Variants in KATNBL1 observed in about 807,000 individuals in gnomAD.
KATNBL1 encodes KATNB1-like protein 1.
Under a neutral mutation model 44.7 loss-of-function variants are expected in KATNBL1, and 28 were observed. The observed-to-expected ratio is 0.63, with a 90% CI of 0.46 to 0.86. KATNBL1 has a LOEUF of 0.86. Ranked by LOEUF, KATNBL1 falls within the 40% of genes least tolerant of loss-of-function variation. The probability of loss-of-function intolerance (pLI) is 0.00; values close to 1 mark genes in which losing one functional copy is unlikely to be tolerated. For missense variants in KATNBL1, 272 were observed against 350.7 expected (o/e 0.78, Z 1.79); for synonymous variants, 78 against 114.9 (o/e 0.68, Z 2.06).
chr15:34,197,486 G>C (rs1890056994), intron 1 of KATNBL1, among the ~76,000 whole-genome samples: 1 of 152,184 alleles, frequency 6.6e-6, no homozygotes. Context: ...TCACCTATGA[G>C]GCAAGTTGCC....
At chr15:34,178,647 T>C (rs1889413659) in intron 1 of KATNBL1, among the ~76,000 whole-genome samples, 1 of 150,438 alleles carries the variant, frequency 6.6e-6, no homozygotes, top group South Asian at 2.1e-4. Context: ...TCCCAGCTAC[T>C]TGGGAGGCTG....
At chr15:34,154,622 C>A (rs1488312427) in intron 3 of KATNBL1, 22 bp downstream of exon 3, 11 of 1,503,350 alleles carry the variant, frequency 7.3e-6, no homozygotes. Flanking sequence ...TTGTTCCCCA[C>A]AAACTTTAAA....
chr15:34,143,652 CATT>C (rs1888217334), intron 9 of KATNBL1, among the ~76,000 whole-genome samples: 1 of 150,208 alleles, frequency 6.7e-6, no homozygotes, highest in South Asian at 2.1e-4. Context: ...AGATTTTCAT[CATT>C]AAGAATTCTA....
At chr15:34,189,468 C>G (rs28418847) in intron 1 of KATNBL1, among the ~76,000 whole-genome samples, 30,784 of 152,098 alleles carry the variant, frequency 0.2, 3,853 homozygotes, top group African/African-American at 0.35. Flanking sequence ...AACCCAATAT[C>G]CAAAAAAGTT....
Position 34,152,795 on chromosome 15 carries a change from A to C in KATNBL1, c.433T>G (p.Ser145Ala). Residue 145 changes from serine (S) to alanine (A), a missense_variant, in exon 4 of 10, where the codon TCT (serine) becomes GCT (alanine). Around this residue, in one of 3 missense-constraint regions of KATNBL1, gnomAD observed 111 missense variants for 149.3 expected, o/e 0.74. Transcript: ENST00000256544. ...SPSSKYSGFF[S>A]EVSQDHETMA... Reference sequence around the variant, plus strand: ...GAGTTAGAGAAAAGACTTACCTCAGAAAAAAACCCACTATATTTTGATGAT... The same window carrying C: ...GAGTTAGAGAAAAGACTTACCTCAGCAAAAAACCCACTATATTTTGATGAT... The C allele has an allele frequency of 6.2e-7, 1 of 1,607,094 alleles. No individual in the cohort carries two copies. Among genetic ancestry groups the C allele is most frequent in the South Asian group, 1.1e-5 (1 of 89,900 alleles).
chr15:34,201,615 A>G (rs1890177792), intron 1 of KATNBL1, among the ~76,000 whole-genome samples: 1 of 152,234 alleles, frequency 6.6e-6, no homozygotes, highest in South Asian at 2.1e-4. Flanking sequence ...GTAGATGGTT[A>G]TGATTATTCT....
chr15:34,173,799 C>T (rs1889244378), intron 1 of KATNBL1, among the ~76,000 whole-genome samples: 1 of 152,072 alleles, frequency 6.6e-6, no homozygotes, highest in African/African-American at 2.4e-5. Flanking sequence ...GCACATTTTT[C>T]AAGTGCTATA....
At chr15:34,156,946 A>G (rs1195365654) in intron 2 of KATNBL1, among the ~76,000 whole-genome samples, 1 of 152,224 alleles carries the variant, frequency 6.6e-6, no homozygotes, top group South Asian at 2.1e-4. Context: ...CAACTACAGC[A>G]TAAAAGCTTT....
chr15:34,163,569 GTTC>G lies in KATNBL1; in HGVS notation c.105_107del (p.Lys35del). 1 of 1,594,602 alleles carries G rather than the reference GTTC, an allele frequency of 6.3e-7. No homozygotes were observed. The highest frequency in any genetic ancestry group is 8.5e-7 in the Non-Finnish European group (1 of 1,175,068). ...GAAACCATAGACTTACCTCCTTCAT[GTTC>G]TTATTAGTGAAATTAGAGATCTTTT... On this transcript the variant is annotated inframe_deletion, in exon 2 of 10. Transcript: ENST00000256544.
chr15:34,205,215 ATC>A (rs1183735812), intron 1 of KATNBL1, among the ~76,000 whole-genome samples: 1 of 152,100 alleles, frequency 6.6e-6, no homozygotes, highest in Non-Finnish European at 1.5e-5. Context: ...GATGGTCTCG[ATC>A]TCTCGACCTT....
At chr15:34,146,118 G>A (rs369076193) in intron 8 of KATNBL1, 1 of 152,094 alleles carries the variant, frequency 6.6e-6, no homozygotes, top group East Asian at 1.9e-4. Context: ...GCTAATTTTT[G>A]TATTTTTTGT....
intron 5 of KATNBL1, 105 bp downstream of exon 5, chr15:34,148,527 G>C: frequency 1.5e-6 from 1 of 651,574 alleles, no homozygotes; most frequent in Non-Finnish European, 2.8e-6. Context: ...GGTTGAGGCT[G>C]CAGTGAGCCA....
chr15:34,200,243 CTT>C (rs1230595174), intron 1 of KATNBL1, among the ~76,000 whole-genome samples: 1 of 151,794 alleles, frequency 6.6e-6, no homozygotes, highest in African/African-American at 2.4e-5. Flanking sequence ...CATCACACCA[CTT>C]TCTCTCTCTC....
intron 4 of KATNBL1, among the ~76,000 whole-genome samples, chr15:34,151,528 T>G (rs1487212455): frequency 1.5e-5 from 2 of 131,296 alleles, no homozygotes; most frequent in Non-Finnish European, 3.1e-5. Flanking sequence ...CTTGGCTCAC[T>G]GCAACCTTTG....
At chr15:34,146,504 C>T in intron 8 of KATNBL1, 1 of 352,618 alleles carries the variant, frequency 2.8e-6, no homozygotes, top group Non-Finnish European at 5.2e-6. Context: ...AGAATTAAAC[C>T]ACTATTGTGT....
intron 1 of KATNBL1, among the ~76,000 whole-genome samples, chr15:34,181,735 C>T (rs201900498): frequency 1.3e-4 from 11 of 84,428 alleles, no homozygotes; most frequent in Non-Finnish European, 1.5e-4. Flanking sequence ...TCCATATATA[C>T]ACATATATAT....
At chr15:34,156,212 C>A (rs994061220) in intron 2 of KATNBL1, among the ~76,000 whole-genome samples, 1 of 152,168 alleles carries the variant, frequency 6.6e-6, no homozygotes, top group South Asian at 2.1e-4. Flanking sequence ...TCCTCTTTGT[C>A]GTGAGAGACA....
chr15:34,190,442 G>A (rs1322517319), intron 1 of KATNBL1, among the ~76,000 whole-genome samples: 2 of 152,166 alleles, frequency 1.3e-5, no homozygotes, highest in African/African-American at 2.4e-5. Flanking sequence ...AGACACACTG[G>A]TCCCGAAGAC....
At chr15:34,182,469 A>T (rs1417296794) in intron 1 of KATNBL1, among the ~76,000 whole-genome samples, 2 of 152,196 alleles carry the variant, frequency 1.3e-5, no homozygotes, top group African/African-American at 2.4e-5. Context: ...ATTTAGAGTG[A>T]CCATAGAATT....
Sources: gnomAD v4.1 joint callset for allele counts (sites outside exome capture counted in the v4.1 genomes callset) on GRCh38, gnomAD v4.1.1 for gene constraint, gnomAD v4.1.1 regional missense constraint, MANE v1.5 for transcripts, NCBI Gene and HGNC (gene_info 2026-07-23, HGNC 2026-07-21) for gene names.